The following SLC25A48 variants were observed in gnomAD, a reference collection of about 807,000 sequenced individuals.
SLC25A48 encodes the protein CTC-321K16.1.
Under a neutral mutation model 32.2 loss-of-function variants are expected in SLC25A48, and 29 were observed. That is an observed-to-expected ratio of 0.90 (90% CI 0.67 to 1.23). The LOEUF (loss-of-function observed/expected upper bound fraction) is 1.23, where lower values mean the gene tolerates loss of function less well. Among genes scored for constraint, SLC25A48 ranks in the 50% most tolerant of loss-of-function variants. The pLI is 0.00. For synonymous variants in SLC25A48, 164 were observed against 172.3 expected (o/e 0.95, Z 0.38); for missense variants, 399 against 422.7 (o/e 0.94, Z 0.49).
At chr5:135,599,716 TTTCC>T (rs915845028) in intron 1 of SLC25A48, among the ~76,000 whole-genome samples, 4 of 152,166 alleles carry the variant, frequency 2.6e-5, no homozygotes, top group Non-Finnish European at 5.9e-5. Flanking sequence ...CCCTTCCTTA[TTTCC>T]TTCCTTCCTT....
intron 2 of SLC25A48, among the ~76,000 whole-genome samples, chr5:135,631,076 A>C (rs962864306): frequency 3.3e-5 from 5 of 152,230 alleles, no homozygotes; most frequent in Non-Finnish European, 4.4e-5. Flanking sequence ...CTGAACTTCC[A>C]GCAGAAAGCC....
At chr5:135,840,512 T>C (rs1250634821) in intron 1 of SLC25A48, among the ~76,000 whole-genome samples, 1 of 152,230 alleles carries the variant, frequency 6.6e-6, no homozygotes, top group East Asian at 1.9e-4. Flanking sequence ...TCTATCTAGT[T>C]CCAAAACATT....
chr5:135,664,774 G>A (rs1391084710), intron 3 of SLC25A48, among the ~76,000 whole-genome samples: 2 of 152,174 alleles, frequency 1.3e-5, no homozygotes, highest in African/African-American at 4.8e-5. Flanking sequence ...TTGTGGCTGA[G>A]TAGTATTACA....
chr5:135,779,672 A>C lies in SLC25A48; in HGVS notation c.-520-32851A>C, dbSNP rs1250971049. The stretch of plus-strand genomic sequence containing the variant: ...TTACTCCCAATATCGAAGGGGATGT[A>C]CAACCACCCGGTAATATTGTTTTTA... On this transcript the variant is annotated intron_variant, in intron 3 of 10. Transcript: ENST00000646290. Among the ~76,000 whole-genome samples the C allele has an allele frequency of 1.8e-4, 21 of 117,942 alleles. 3 individuals are homozygous for C. The highest frequency in any genetic ancestry group is 4.9e-4 in the African/African-American group (19 of 38,742). 77.4% of individuals were successfully genotyped at this position (117,942 alleles called of 152,430 possible). A position where few individuals can be genotyped will look rare whatever the true frequency, so the allele number is the denominator to read the frequency against.
intron 3 of SLC25A48, among the ~76,000 whole-genome samples, chr5:135,698,751 A>G (rs1298494422): frequency 2.0e-5 from 3 of 152,260 alleles, no homozygotes; most frequent in Non-Finnish European, 4.4e-5. Flanking sequence ...GATACCAATA[A>G]AGAAATGAAT....
At chr5:135,834,417 C>G (rs1561516456), upstream of SLC25A48, among the ~76,000 whole-genome samples, 1 of 152,250 alleles carries the variant, frequency 6.6e-6, no homozygotes, top group African/African-American at 2.4e-5. Flanking sequence ...GTCAGCACAG[C>G]ACAGTACAGG....
In SLC25A48 at chr5:135,836,959, T is replaced by TCCC. The variant is rs1300245224; in HGVS notation, c.46+2074_46+2076dup. Among the ~76,000 whole-genome samples the TCCC allele has an allele frequency of 4.3e-3, 106 of 24,814 alleles. 1 individual carries two copies. Among genetic ancestry groups the TCCC allele is most frequent in the African/African-American group, 8.7e-3 (65 of 7,456 alleles). The allele number at this position is 24,814 out of a possible 152,430, so 16.3% of individuals were successfully genotyped here. A position where few individuals can be genotyped will look rare whatever the true frequency, so the allele number is the denominator to read the frequency against. ...AAATTTTGCCCTTTTTTTGATATTA[T>TCCC]CCCCCCCCCCACCCCCCCCCCCCAC... On this transcript the variant is annotated intron_variant, in intron 1 of 7. Coordinates refer to ENST00000681962, the MANE Select transcript of SLC25A48 (RefSeq NM_001349336.2).
At chr5:135,785,642 G>T (rs1386889794) in intron 3 of SLC25A48, among the ~76,000 whole-genome samples, 4 of 150,728 alleles carry the variant, frequency 2.7e-5, no homozygotes, top group African/African-American at 9.8e-5. Context: ...GGAAAAGAGA[G>T]GGTGATAATG....
intron 1 of SLC25A48, among the ~76,000 whole-genome samples, chr5:135,618,735 CCTT>C (rs1752248354): frequency 6.6e-6 from 1 of 152,024 alleles, no homozygotes; most frequent in African/African-American, 2.4e-5. Flanking sequence ...CTTAATCTCT[CCTT>C]CATTTATGAA....
At chr5:135,665,099 A>G (rs1462863508) in intron 3 of SLC25A48, among the ~76,000 whole-genome samples, 1 of 152,118 alleles carries the variant, frequency 6.6e-6, no homozygotes, top group Non-Finnish European at 1.5e-5. Flanking sequence ...GTTTCTTGAC[A>G]TTTTATTAAT....
intron 3 of SLC25A48, among the ~76,000 whole-genome samples, chr5:135,682,438 C>A (rs1753919697): frequency 6.6e-6 from 1 of 152,046 alleles, no homozygotes; most frequent in Non-Finnish European, 1.5e-5. Flanking sequence ...TATAAGTGTG[C>A]ATGCATGTGT....
chr5:135,831,298 TC>T (rs910394184), upstream of SLC25A48, among the ~76,000 whole-genome samples: 1 of 152,168 alleles, frequency 6.6e-6, no homozygotes, highest in African/African-American at 2.4e-5. Context: ...TTCAGACTTT[TC>T]CCCATGTCTC....
At chr5:135,653,104 A>G (rs904934840) in intron 3 of SLC25A48, among the ~76,000 whole-genome samples, 1 of 152,210 alleles carries the variant, frequency 6.6e-6, no homozygotes, top group African/African-American at 2.4e-5. Context: ...AAGAAGGCCC[A>G]CACAAGATGC....
At chr5:135,841,068 T>C (rs1239758666) in intron 1 of SLC25A48, among the ~76,000 whole-genome samples, 1 of 152,246 alleles carries the variant, frequency 6.6e-6, no homozygotes, top group Non-Finnish European at 1.5e-5. Context: ...CTCTACATCC[T>C]TGCCAACAGT....
intron 3 of SLC25A48, among the ~76,000 whole-genome samples, chr5:135,719,026 C>T (rs926063646): frequency 1.3e-5 from 2 of 152,204 alleles, no homozygotes; most frequent in African/African-American, 4.8e-5. Context: ...CAAGATTATC[C>T]TGGTTGTGAT....
intron 3 of SLC25A48, among the ~76,000 whole-genome samples, chr5:135,702,961 A>G (rs981037154): frequency 6.6e-6 from 1 of 152,170 alleles, no homozygotes; most frequent in Non-Finnish European, 1.5e-5. Flanking sequence ...TTTTTGAGTG[A>G]ATGTACTTGA....
At position 135,629,209 on chromosome 5, in the gene SLC25A48, CTTTTTCT is replaced by C. The variant is rs949410735; in HGVS notation, c.-848-16_-848-10del. On this transcript the variant is annotated intron_variant, in intron 1 of 10. Transcript: ENST00000646290. The surrounding 1 kb of genome is among the most constrained non-coding windows in gnomAD (Gnocchi z 4.8). The stretch of plus-strand genomic sequence containing the variant: ...GTGCCAGAATCTCCACCGTTATAGC[CTTTTTCT>C]TTTTTCTTTTTCTTTTTTAGCAGCC... The C allele has an allele frequency of 1.2e-4, 19 of 152,268 alleles. No individual in the cohort carries two copies. Among genetic ancestry groups the C allele is most frequent in the African/African-American group, 4.6e-4 (19 of 41,554 alleles). 9.4% of individuals were successfully genotyped at this position (152,268 alleles called of 1,614,324 possible). A position where few individuals can be genotyped will look rare whatever the true frequency, so the allele number is the denominator to read the frequency against.
At chr5:135,814,039 A>G (rs767108005) in intron 4 of SLC25A48, among the ~76,000 whole-genome samples, 4 of 152,216 alleles carry the variant, frequency 2.6e-5, no homozygotes, top group Non-Finnish European at 4.4e-5. Flanking sequence ...AGAGGCACCC[A>G]TGTGGCGGGT....
chr5:135,860,082 A>T (rs910313710), intron 4 of SLC25A48, among the ~76,000 whole-genome samples: 1 of 152,200 alleles, frequency 6.6e-6, no homozygotes, highest in Non-Finnish European at 1.5e-5. Context: ...AGTATAAACT[A>T]AATGTCTGGC....
Sources: allele counts gnomAD v4.1 joint callset (sites outside exome capture counted in the v4.1 genomes callset), GRCh38; gene constraint gnomAD v4.1.1; non-coding constraint Gnocchi (gnomAD v3.1); transcripts MANE v1.5; gene names NCBI Gene and HGNC (gene_info 2026-07-23, HGNC 2026-07-21).